Variants in VPS51 observed in about 807,000 individuals in gnomAD.
The protein encoded by VPS51 is vacuolar protein sorting-associated protein 51 homolog.
Under a neutral mutation model 65.1 loss-of-function variants are expected in VPS51, and 55 were observed. That is an observed-to-expected ratio of 0.84 (90% confidence interval 0.68 to 1.06). The LOEUF (loss-of-function observed/expected upper bound fraction) is 1.06. Ranked by LOEUF, VPS51 falls within the 50% of genes least tolerant of loss-of-function variation. VPS51 has a pLI of 0.00. For synonymous variants in VPS51, 473 were observed against 489.5 expected, an observed-to-expected ratio of 0.97 and a Z score of 0.44; for missense variants, 943 against 1,101.6, an observed-to-expected ratio of 0.86 and a Z score of 2.04.
chr11:65,110,045 G>C, intron 7 of VPS51, 122 bp downstream of exon 7: 1 of 1,113,188 alleles, frequency 9.0e-7, no homozygotes, highest in Non-Finnish European at 1.3e-6. Flanking sequence ...ATGTGTATCT[G>C]GGCTTCTCAC....
intron 2 of VPS51, among the ~76,000 whole-genome samples, chr11:65,100,442 C>T (rs764384466): frequency 7.3e-5 from 11 of 151,462 alleles, no homozygotes; most frequent in Non-Finnish European, 1.3e-4. Flanking sequence ...ACCATATGAT[C>T]GGCAATTTTA....
At position 65,099,047 on chromosome 11, in the gene VPS51, G is replaced by A. The variant is rs533833294; in HGVS notation, c.358+1920G>A. ...TACTAAAAATACAAAAATTAGCTGG[G>A]CAAGGTGGTGCATGCCTGTAGTCCA... On this transcript the variant is annotated intron_variant, in intron 2 of 9. Coordinates refer to ENST00000279281, the MANE Select transcript of VPS51 (RefSeq NM_013265.4). Among the ~76,000 whole-genome samples, 3 of 152,252 alleles carry A rather than the reference G, an allele frequency of 2.0e-5. No homozygotes were observed. The South Asian group carries it at 6.2e-4, about 32-fold the overall frequency.
intron 2 of VPS51, among the ~76,000 whole-genome samples, chr11:65,102,848 G>GA (rs1439078299): frequency 6.6e-6 from 1 of 152,136 alleles, no homozygotes; most frequent in Non-Finnish European, 1.5e-5. Flanking sequence ...GAATTGGCAA[G>GA]AAAAATTTTC....
At chr11:65,110,919 G>A (rs1473767157) in intron 9 of VPS51, 138 bp downstream of exon 9, 1 of 1,051,816 alleles carries the variant, frequency 9.5e-7, no homozygotes, top group Non-Finnish European at 1.4e-6. Context: ...TGTCTCTAGG[G>A]CTGTTTTTAG....
chr11:65,108,109 C>G (rs774617706), intron 4 of VPS51, 87 bp downstream of exon 4: 111 of 1,532,120 alleles, frequency 7.2e-5, no homozygotes, highest in Middle Eastern at 2.3e-4. Flanking sequence ...GGAGCTGTCC[C>G]CCTGCCCTGT....
At chr11:65,103,933 AATT>A (rs755198463) in intron 2 of VPS51, among the ~76,000 whole-genome samples, 1 of 146,556 alleles carries the variant, frequency 6.8e-6, no homozygotes, top group Admixed American at 6.8e-5. Context: ...CTATTTATTC[AATT>A]ATTATTATTT....
At chr11:65,099,797 A>C (rs1220788293) in intron 2 of VPS51, among the ~76,000 whole-genome samples, 3 of 152,120 alleles carry the variant, frequency 2.0e-5, no homozygotes, top group Non-Finnish European at 4.4e-5. Flanking sequence ...ACCTAGTCTC[A>C]AAAAATAAAT....
chr11:65,109,100 G>T (rs1947868436), intron 5 of VPS51, 180 bp from the exon 6 acceptor site: 2 of 1,002,676 alleles, frequency 2.0e-6, no homozygotes, highest in Non-Finnish European at 2.9e-6. Flanking sequence ...GGCATGGTGG[G>T]GTCCCCAGTG....
intron 5 of VPS51, 123 bp downstream of exon 5, chr11:65,109,037 C>T (rs1242060751): frequency 1.1e-5 from 14 of 1,251,798 alleles, no homozygotes; most frequent in South Asian, 3.8e-5. Context: ...TTCTTATGCA[C>T]GGTCTGGGGG....
chr11:65,096,756 G>A, intron 1 of VPS51: 1 of 673,550 alleles, frequency 1.5e-6, no homozygotes, highest in Non-Finnish European at 2.5e-6. Flanking sequence ...TGACAGGCGC[G>A]GGGCTGGGCT....
In VPS51 at chr11:65,109,392, C is replaced by T. The variant is rs1479140645; in HGVS notation, c.1556C>T (p.Thr519Ile). The stretch of plus-strand genomic sequence containing the variant: ...AGCCCTGGGGAGAAGGGGGGTGCCA[C>T]ACCACCTGCCCTGCTCCTGCTGCTC... ...CDSPGEKGGA[T>I]PPALLLLLSR... Residue 519 changes from threonine to isoleucine, a missense_variant, in exon 6 of 10, where the codon ACA becomes ATA. Thr to Ile is a moderately conservative substitution (Grantham distance 89). Transcript: ENST00000279281. 2.5e-6 allele frequency: 4 copies of T among 1,612,226 alleles called. No homozygotes were observed. The highest frequency in any genetic ancestry group is 3.4e-6 in the Non-Finnish European group (4 of 1,180,022).
chr11:65,111,236 T>C, intron 9 of VPS51, 91 bp from the exon 10 acceptor site: 1 of 1,569,018 alleles, frequency 6.4e-7, no homozygotes, highest in Non-Finnish European at 8.6e-7. Flanking sequence ...GCTACTTCCA[T>C]CGTATGTCTC....
At chr11:65,110,447 T>G in intron 7 of VPS51, 35 bp from the exon 8 acceptor site, 2 of 1,613,486 alleles carry the variant, frequency 1.2e-6, no homozygotes, top group Non-Finnish European at 1.7e-6. Context: ...TTCCCCTGAC[T>G]CGGGCCTCCT....
At chr11:65,111,105 C>T (rs1947895030) in intron 9 of VPS51, 5 of 784,464 alleles carry the variant, frequency 6.4e-6, no homozygotes, top group Non-Finnish European at 1.1e-5. Context: ...CCCCGCCTCA[C>T]TCCAAGCTCA....
chr11:65,105,118 G>A (rs981259541), intron 2 of VPS51, among the ~76,000 whole-genome samples: 1 of 151,734 alleles, frequency 6.6e-6, no homozygotes, highest in Non-Finnish European at 1.5e-5. Flanking sequence ...AGGTTTTTTC[G>A]ACTGGGCACG....
chr11:65,097,212 G>C, intron 2 of VPS51, 85 bp downstream of exon 2: 2 of 1,571,638 alleles, frequency 1.3e-6, no homozygotes, highest in South Asian at 1.2e-5. Context: ...GGGATTTAGA[G>C]GGGGGAGACT....
chr11:65,098,137 C>T (rs1447773025), intron 2 of VPS51, among the ~76,000 whole-genome samples: 1 of 151,948 alleles, frequency 6.6e-6, no homozygotes, highest in African/African-American at 2.4e-5. Flanking sequence ...GCCAAGATCA[C>T]GTCACTGCAC....
Position 65,109,917 on chromosome 11 carries a change from C to T in VPS51, c.1872C>T (p.Asp624=), listed in dbSNP as rs770258569. The change falls in exon 7 of 10, where the codon GAC becomes GAT. Residue 624 remains aspartate, a synonymous_variant. Coordinates refer to ENST00000279281, the MANE Select transcript of VPS51 (RefSeq NM_013265.4). The part of the protein sequence containing the change: ...KRVVEDTTAI[D]VQVGLLYEEG... ...TGGTGGAGGATACCACCGCCATCGA[C>T]GTGCAGGTGCTGCCCAGGCTGGCCG... 10 of 1,597,738 alleles carry T rather than the reference C, an allele frequency of 6.3e-6. No individual in the cohort carries two copies. Among genetic ancestry groups the T allele is most frequent in the Admixed American group, 1.7e-5 (1 of 58,036 alleles).
chr11:65,108,122 G>C, intron 4 of VPS51, 75 bp from the exon 5 acceptor site: 1 of 1,550,310 alleles, frequency 6.5e-7, no homozygotes, highest in South Asian at 1.2e-5. Context: ...TGCCCTGTGT[G>C]TGCTTTGCTT....
Sources: allele counts gnomAD v4.1 joint callset (sites outside exome capture counted in the v4.1 genomes callset), GRCh38; gene constraint gnomAD v4.1.1; transcripts MANE v1.5; gene names NCBI Gene and HGNC (gene_info 2026-07-23, HGNC 2026-07-21).